PLXDC2: variants seen among roughly 807,000 people sequenced by gnomAD.
The protein encoded by PLXDC2 is plexin domain-containing protein 2.
In PLXDC2, 40 loss-of-function variants were observed where a neutral mutation model predicts 68.9. The observed-to-expected ratio is 0.58, with a 90% CI of 0.45 to 0.76. PLXDC2 has a LOEUF of 0.76. Among genes scored for constraint, PLXDC2 ranks in the 30% least tolerant of loss-of-function variants. PLXDC2 has a pLI of 0.00. For synonymous variants in PLXDC2, 243 were observed against 234.2 expected, an observed-to-expected ratio of 1.04 and a Z score of -0.34; for missense variants, 644 against 661.9, an observed-to-expected ratio of 0.97 and a Z score of 0.30.
At chr10:20,027,249 C>G (rs1170170923) in intron 2 of PLXDC2, among the ~76,000 whole-genome samples, 1 of 151,910 alleles carries the variant, frequency 6.6e-6, no homozygotes, top group Non-Finnish European at 1.5e-5. Flanking sequence ...GGCTTAATCC[C>G]CAGTGCAACA....
intron 10 of PLXDC2, among the ~76,000 whole-genome samples, chr10:20,212,455 G>T (rs1342958718): frequency 6.6e-6 from 1 of 151,978 alleles, no homozygotes; most frequent in Non-Finnish European, 1.5e-5. Context: ...GCAGTGACTC[G>T]CATTTATACT....
rs1411519734 is a variant in PLXDC2 at position 19,979,210 on chromosome 10, G to A, written c.113-22565G>A. On this transcript the variant is annotated intron_variant, in intron 1 of 13. Coordinates refer to ENST00000377252, the MANE Select transcript of PLXDC2 (RefSeq NM_032812.9). ...AATGCTCCCATAGAAAAAAGGAAGGGGGAGATTAAAGCCAATTTTGTGATA... is the reference window on the plus strand; with the variant it reads ...AATGCTCCCATAGAAAAAAGGAAGGAGGAGATTAAAGCCAATTTTGTGATA... Among the ~76,000 whole-genome samples the A allele has an allele frequency of 6.6e-5, 10 of 152,152 alleles. No individual in the cohort carries two copies. The East Asian group carries it at 1.7e-3, about 26-fold the overall frequency.
At chr10:19,917,841 A>T (rs548521982) in intron 1 of PLXDC2, among the ~76,000 whole-genome samples, 147 of 152,288 alleles carry the variant, frequency 9.7e-4, no homozygotes, top group African/African-American at 3.3e-3. Flanking sequence ...ATAACTCATA[A>T]ACTGGGGGAC....
intron 4 of PLXDC2, among the ~76,000 whole-genome samples, chr10:20,086,961 A>G (rs111763378): frequency 2.8e-3 from 425 of 152,372 alleles, no homozygotes; most frequent in African/African-American, 9.7e-3. Flanking sequence ...GCAAAAGAAC[A>G]TAGAAGATAT....
intron 1 of PLXDC2, among the ~76,000 whole-genome samples, chr10:19,868,391 C>T (rs139640151): frequency 6.6e-6 from 1 of 152,274 alleles, no homozygotes; most frequent in Non-Finnish European, 1.5e-5. Context: ...TAGTCATCTT[C>T]ATGTGCATTA....
At chr10:20,220,077 C>T (rs1426442201) in intron 12 of PLXDC2, among the ~76,000 whole-genome samples, 4 of 152,078 alleles carry the variant, frequency 2.6e-5, no homozygotes, top group African/African-American at 9.7e-5. Flanking sequence ...AACAGTTAGC[C>T]TGTTCATAAA....
intron 1 of PLXDC2, among the ~76,000 whole-genome samples, chr10:19,888,382 A>G (rs1462227066): frequency 1.3e-5 from 2 of 152,188 alleles, no homozygotes; most frequent in South Asian, 2.1e-4. Context: ...TTGATCTCCA[A>G]CAGACTCTTT....
chr10:20,001,760 T>C lies in PLXDC2; in HGVS notation c.113-15T>C. The C allele has an allele frequency of 6.2e-7, 1 of 1,612,586 alleles. No homozygotes were observed. Among genetic ancestry groups the C allele is most frequent in the South Asian group, 1.1e-5 (1 of 91,062 alleles). ...CATAATGAGTGGTAACCCATTTTCT[T>C]TCTTTTTCAAACAGATTGGCAGTAT... On this transcript the variant is annotated splice_polypyrimidine_tract_variant and intron_variant, in intron 1 of 13. Transcript: ENST00000377252.
At chr10:19,891,759 T>G (rs951158329) in intron 1 of PLXDC2, among the ~76,000 whole-genome samples, 4 of 152,226 alleles carry the variant, frequency 2.6e-5, no homozygotes, top group African/African-American at 9.6e-5. Context: ...ATAACTTAGT[T>G]TTTGAAGTAA....
At chr10:20,055,552 A>G (rs1224261151) in intron 3 of PLXDC2, among the ~76,000 whole-genome samples, 1 of 152,076 alleles carries the variant, frequency 6.6e-6, no homozygotes, top group African/African-American at 2.4e-5. Context: ...ATAATGTCAA[A>G]CAGTAGGTTG....
chr10:19,980,643 C>T (rs184557981), intron 1 of PLXDC2, among the ~76,000 whole-genome samples: 51 of 152,218 alleles, frequency 3.4e-4, no homozygotes, highest in African/African-American at 1.2e-3. Flanking sequence ...TACACACATA[C>T]GTATAAGAAA....
intron 13 of PLXDC2, among the ~76,000 whole-genome samples, chr10:20,274,140 G>T (rs904231191): frequency 4.6e-5 from 7 of 151,942 alleles, no homozygotes; most frequent in Non-Finnish European, 8.8e-5. Flanking sequence ...CAGAAAGAAA[G>T]AAAGTGTTCT....
chr10:20,008,651 G>A (rs1230753331), intron 2 of PLXDC2, among the ~76,000 whole-genome samples: 2 of 152,194 alleles, frequency 1.3e-5, no homozygotes, highest in Middle Eastern at 3.2e-3. Context: ...TCCATGTTAT[G>A]TTTGCGGTAT....
At position 20,238,677 on chromosome 10, in the gene PLXDC2, G is replaced by GTATATATA. The variant is rs10633613; in HGVS notation, c.1313-6659_1313-6652dup. 7.8e-4 allele frequency among the ~76,000 whole-genome samples: 60 copies of GTATATATA among 76,900 alleles called. 3 individuals carry two copies. Among genetic ancestry groups the GTATATATA allele is most frequent in the South Asian group, 1.2e-3 (3 of 2,490 alleles). 50.4% of individuals were successfully genotyped at this position (76,900 alleles called of 152,430 possible). A position where few individuals can be genotyped will look rare whatever the true frequency, so the allele number is the denominator to read the frequency against. Reference sequence around the variant, plus strand: ...TCTCAAAAAAAATATATATATATATGTATATATATATATATACACACATAT... The same window carrying GTATATATA: ...TCTCAAAAAAAATATATATATATATGTATATATATATATATATATATATACACACATAT... On this transcript the variant is annotated intron_variant, in intron 12 of 13. Transcript: ENST00000377252.
chr10:20,248,579 CAG>C (rs1835631398), intron 13 of PLXDC2, among the ~76,000 whole-genome samples: 1 of 152,236 alleles, frequency 6.6e-6, no homozygotes, highest in East Asian at 1.9e-4. Context: ...AGTCAGTTGC[CAG>C]AGTCTGCTTA....
At chr10:20,148,166 T>A (rs4301699) in intron 6 of PLXDC2, among the ~76,000 whole-genome samples, 2 of 152,030 alleles carry the variant, frequency 1.3e-5, no homozygotes, top group Admixed American at 1.3e-4. Flanking sequence ...GACTAATTAT[T>A]GAGTAATTAG....
At chr10:19,822,280 CTATATATGCAATATATATAA>C (rs1490708038) in intron 1 of PLXDC2, among the ~76,000 whole-genome samples, 1 of 148,624 alleles carries the variant, frequency 6.7e-6, no homozygotes, top group Non-Finnish European at 1.5e-5. Context: ...AATATATGCA[CTATATATGCAATATATATAA>C]TATATATGCA....
intron 13 of PLXDC2, among the ~76,000 whole-genome samples, chr10:20,259,699 C>G (rs372669113): frequency 5.3e-5 from 8 of 152,330 alleles, no homozygotes; most frequent in Admixed American, 2.0e-4. Context: ...CTGGAAAATA[C>G]AGCAGGCCCA....
chr10:20,109,993 T>C (rs988146090), intron 4 of PLXDC2, among the ~76,000 whole-genome samples: 1 of 152,188 alleles, frequency 6.6e-6, no homozygotes, highest in African/African-American at 2.4e-5. Flanking sequence ...AAGGCATATG[T>C]CTAGCAAAGG....
Sources: gnomAD v4.1 joint callset for allele counts (sites outside exome capture counted in the v4.1 genomes callset) on GRCh38, gnomAD v4.1.1 for gene constraint, MANE v1.5 for transcripts, NCBI Gene and HGNC (gene_info 2026-07-23, HGNC 2026-07-21) for gene names.